The following TMEM14C variants were observed in gnomAD, a reference collection of about 807,000 sequenced individuals.
TMEM14C encodes the protein chromosome 6 open reading frame 53.
TMEM14C carries 13 observed loss-of-function variants against 14.8 expected under a neutral mutation model. That is an observed-to-expected ratio of 0.88 (90% CI 0.57 to 1.40). The LOEUF is 1.40. TMEM14C is among the 40% of genes most tolerant of loss of function. TMEM14C has a pLI of 0.00. For missense variants in TMEM14C, 142 were observed against 138.8 expected (o/e 1.02, Z -0.12); for synonymous variants, 57 against 51.3 (o/e 1.11, Z -0.48).
chr6:10,724,987 G>A lies in TMEM14C; in HGVS notation c.47G>A (p.Gly16Asp), dbSNP rs772111625. 1.2e-6 allele frequency: 2 copies of A among 1,614,218 alleles called. No homozygotes were observed. Among genetic ancestry groups the A allele is most frequent in the Non-Finnish European group, 1.7e-6 (2 of 1,180,042 alleles). The change falls in exon 3 of 6, where the codon GGC becomes GAC. Residue 16 changes from glycine (G) to aspartate (D), a missense_variant. By Grantham distance (94) the Gly-to-Asp change is moderately conservative (BLOSUM62 -1). Coordinates refer to ENST00000229563, the MANE Select transcript of TMEM14C (RefSeq NM_016462.4). The part of the protein sequence containing the change: ...SVVPLHWFGF[G>D]YAALVASGGI... ...GTGCCTTTGCATTGGTTTGGCTTTGGCTACGCAGCACTGGTTGCTTCTGGT... is the reference window on the plus strand; with the variant it reads ...GTGCCTTTGCATTGGTTTGGCTTTGACTACGCAGCACTGGTTGCTTCTGGT...
At chr6:10,724,661 GC>G in intron 2 of TMEM14C, 28 bp downstream of exon 2, 1 of 1,609,376 alleles carries the variant, frequency 6.2e-7, no homozygotes, top group Non-Finnish European at 8.5e-7. Flanking sequence ...GTATGGAGTA[GC>G]CAGGAGCTTC....
At chr6:10,728,343 A>G (rs1413238532) in intron 4 of TMEM14C, among the ~76,000 whole-genome samples, 2 of 151,950 alleles carry the variant, frequency 1.3e-5, no homozygotes, top group Non-Finnish European at 2.9e-5. Context: ...AAACAGTAGC[A>G]TTTTGGAGAA....
At chr6:10,726,215 T>C (rs1354544766) in intron 4 of TMEM14C, among the ~76,000 whole-genome samples, 1 of 152,174 alleles carries the variant, frequency 6.6e-6, no homozygotes, top group Non-Finnish European at 1.5e-5. Context: ...ATACAGAACA[T>C]GGAAGGATTT....
Position 10,726,056 on chromosome 6 carries a change from C to A in TMEM14C, c.199+48C>A, listed in dbSNP as rs1467773349. 3.1e-6 allele frequency: 5 copies of A among 1,607,330 alleles called. No homozygotes were observed. In the South Asian group the frequency reaches 4.4e-5, roughly 14 times the overall value. On this transcript the variant is annotated intron_variant, in intron 4 of 5. Transcript: ENST00000229563. The stretch of plus-strand genomic sequence containing the variant: ...TTAGGGCAGCTATGTATCCAGAATA[C>A]TCTTTTCCAAAAGACCCTGGTTTGG...
chr6:10,726,154 A>T (rs1770853549), intron 4 of TMEM14C, 146 bp downstream of exon 4: 1 of 853,356 alleles, frequency 1.2e-6, no homozygotes, highest in African/African-American at 1.7e-5. Context: ...AGAAAGTTTT[A>T]AAATGAGGGT....
intron 1 of TMEM14C, among the ~76,000 whole-genome samples, chr6:10,723,827 C>CT (rs746001108): frequency 6.6e-6 from 1 of 152,136 alleles, no homozygotes; most frequent in Non-Finnish European, 1.5e-5. Context: ...TGGTCTTGAA[C>CT]TCCTAACCCC....
At chr6:10,727,922 T>C (rs571411264) in intron 4 of TMEM14C, among the ~76,000 whole-genome samples, 1 of 152,314 alleles carries the variant, frequency 6.6e-6, no homozygotes, top group South Asian at 2.1e-4. Flanking sequence ...AACCCCAGTA[T>C]GGCCTTCAAG....
rs1049284910 is a variant in TMEM14C, at chr6:10,723,123, C to G, written c.-163C>G. 2.0e-5 allele frequency: 3 copies of G among 152,362 alleles called. No homozygotes were observed. The highest frequency in any genetic ancestry group is 4.4e-5 in the Non-Finnish European group (3 of 68,132). 9.4% of individuals were successfully genotyped at this position (152,362 alleles called of 1,614,324 possible). A position where few individuals can be genotyped will look rare whatever the true frequency, so the allele number is the denominator to read the frequency against. ...CTGCGCAGGCACAACAGAGCCGCTC[C>G]CCTCTCCTCGCCCCGCCACCGGGAC... On this transcript the variant is annotated 5_prime_UTR_variant, in exon 1 of 6. Transcript: ENST00000229563.
chr6:10,728,600 T>C, intron 4 of TMEM14C, 40 bp from the exon 5 acceptor site: 1 of 1,600,756 alleles, frequency 6.2e-7, no homozygotes, highest in Non-Finnish European at 8.6e-7. Context: ...GCGTAGAAGA[T>C]GTAATGAGTT....
chr6:10,726,091 G>T, intron 4 of TMEM14C, 83 bp downstream of exon 4: 1 of 1,500,892 alleles, frequency 6.7e-7, no homozygotes, highest in Non-Finnish European at 9.2e-7. Context: ...GTGGGATGGG[G>T]TGAGTTCTTC....
chr6:10,728,595 G>A, intron 4 of TMEM14C, 45 bp from the exon 5 acceptor site: 3 of 1,597,722 alleles, frequency 1.9e-6, no homozygotes, highest in Non-Finnish European at 2.6e-6. Flanking sequence ...CCCCTGCGTA[G>A]AAGATGTAAT....
At chr6:10,723,796 G>T (rs1435230274) in intron 1 of TMEM14C, among the ~76,000 whole-genome samples, 1 of 151,984 alleles carries the variant, frequency 6.6e-6, no homozygotes, top group South Asian at 2.1e-4. Context: ...TAGACAATGG[G>T]TTTCACTATG....
chr6:10,730,557 A>C, intron 5 of TMEM14C, 58 bp from the exon 6 acceptor site: 4 of 1,557,458 alleles, frequency 2.6e-6, no homozygotes, highest in Non-Finnish European at 3.5e-6. Context: ...TTCCTTAAAA[A>C]CATAGTTGCC....
intron 2 of TMEM14C, 101 bp from the exon 3 acceptor site, chr6:10,724,860 T>C: frequency 7.0e-7 from 1 of 1,436,826 alleles, no homozygotes; most frequent in Non-Finnish European, 9.8e-7. Context: ...TTTTCAGTGA[T>C]AGGACCTGTG....
intron 4 of TMEM14C, among the ~76,000 whole-genome samples, chr6:10,727,691 G>T (rs1770906384): frequency 6.6e-6 from 1 of 152,026 alleles, no homozygotes; most frequent in South Asian, 2.1e-4. Context: ...CGTGGTGGCG[G>T]ACGCCTGTAG....
intron 4 of TMEM14C, 86 bp downstream of exon 4, chr6:10,726,094 A>C (rs1250673157): frequency 1.4e-6 from 2 of 1,438,570 alleles, no homozygotes; most frequent in African/African-American, 2.8e-5. Flanking sequence ...GGATGGGGTG[A>C]GTTCTTCACA....
At chr6:10,727,334 C>T (rs1396155171) in intron 4 of TMEM14C, among the ~76,000 whole-genome samples, 4 of 152,018 alleles carry the variant, frequency 2.6e-5, no homozygotes, top group Non-Finnish European at 5.9e-5. Context: ...TTGTCTCCTT[C>T]CCCTTCATAA....
chr6:10,725,585 C>T (rs919585283), intron 3 of TMEM14C, among the ~76,000 whole-genome samples: 1 of 152,136 alleles, frequency 6.6e-6, no homozygotes, highest in Non-Finnish European at 1.5e-5. Flanking sequence ...TACACAATTC[C>T]AGTCCTTCAT....
chr6:10,724,364 A>T, intron 1 of TMEM14C: 1 of 524,182 alleles, frequency 1.9e-6, no homozygotes, highest in Non-Finnish European at 3.4e-6. Flanking sequence ...GCATCTGTTC[A>T]GGGTTTACTA....
Sources: gnomAD v4.1 joint callset for allele counts (sites outside exome capture counted in the v4.1 genomes callset) on GRCh38, gnomAD v4.1.1 for gene constraint, MANE v1.5 for transcripts, NCBI Gene and HGNC (gene_info 2026-07-23, HGNC 2026-07-21) for gene names.